Variants in ANO10 observed in about 807,000 individuals in gnomAD.
ANO10 encodes anoctamin-10.
In ANO10, 77 loss-of-function variants were observed where a neutral mutation model predicts 74.7. That is an observed-to-expected ratio of 1.03 (90% CI 0.86 to 1.25). The LOEUF (loss-of-function observed/expected upper bound fraction) is 1.25, where lower values mean the gene tolerates loss of function less well. ANO10 is among the 50% of genes most tolerant of loss of function. The pLI, the probability that ANO10 is intolerant of heterozygous loss-of-function variation, is 0.00. For synonymous variants in ANO10, 279 were observed against 284.9 expected, an observed-to-expected ratio of 0.98 and a Z score of 0.21; for missense variants, 721 against 778.1, an observed-to-expected ratio of 0.93 and a Z score of 0.87.
intron 4 of ANO10, among the ~76,000 whole-genome samples, chr3:43,595,245 C>T (rs932661624): frequency 6.6e-6 from 1 of 152,216 alleles, no homozygotes; most frequent in Non-Finnish European, 1.5e-5. Flanking sequence ...AAGAGGGAAT[C>T]CTCCCTAACT....
chr3:43,636,033 A>C (rs912641053), intron 1 of ANO10, among the ~76,000 whole-genome samples: 17 of 151,308 alleles, frequency 1.1e-4, no homozygotes, highest in Admixed American at 8.5e-4. Context: ...AAAAAAAAAC[A>C]AAAAAAACCC....
chr3:43,592,097 T>C lies in ANO10; in HGVS notation c.472+6435A>G, dbSNP rs566681419. ...GCTTGAGTAGGTAAACAAAGCAGCC[T>C]GGAAGCTCGAACTGGGTGGAGCCGA... On this transcript the variant is annotated intron_variant, in intron 4 of 12. Transcript: ENST00000292246. 4.6e-5 allele frequency among the ~76,000 whole-genome samples: 7 copies of C among 152,166 alleles called. No homozygotes were observed. In the South Asian group the frequency reaches 1.5e-3, roughly 32 times the overall value.
intron 7 of ANO10, among the ~76,000 whole-genome samples, chr3:43,574,293 C>CAG (rs1347389847): frequency 1.4e-5 from 2 of 144,580 alleles, no homozygotes; most frequent in Non-Finnish European, 3.0e-5. Context: ...TTTTTTGAGA[C>CAG]AGAGTCTCGC....
chr3:43,578,248 A>G lies in ANO10; in HGVS notation c.593-987T>C, dbSNP rs985886335. 2.6e-5 allele frequency among the ~76,000 whole-genome samples: 4 copies of G among 152,208 alleles called. No homozygotes were observed. The South Asian group carries it at 6.2e-4, about 24-fold the overall frequency. ...TTCACCTCAAATTTAAATCAGGTTA[A>G]AGAACATCCGATCATTTCTTTTTAA... On this transcript the variant is annotated intron_variant, in intron 5 of 12. Transcript: ENST00000292246.
At chr3:43,668,616 T>A in intron 1 of ANO10, among the ~76,000 whole-genome samples, 1 of 152,180 alleles carries the variant, frequency 6.6e-6, no homozygotes, top group East Asian at 1.9e-4. Context: ...CGGTAATAGA[T>A]GGGGATCTAG....
chr3:43,651,235 CTG>C lies in ANO10; in HGVS notation c.-12+40280_-12+40281del, dbSNP rs576962664. On this transcript the variant is annotated intron_variant, in intron 1 of 3. Coordinates refer to the ANO10 transcript ENST00000413397. Reference sequence around the variant, plus strand: ...TCTACAAATAATTAATAAATATCTACTGTGTGTCCTACACTGTTCTCACTTTT... The same window carrying C: ...TCTACAAATAATTAATAAATATCTACTGTGTCCTACACTGTTCTCACTTTT... Among the ~76,000 whole-genome samples the C allele has an allele frequency of 2.0e-3, 294 of 150,728 alleles. 1 individual carries two copies. The highest frequency in any genetic ancestry group is 5.3e-3 in the African/African-American group (212 of 40,076).
At chr3:43,665,168 A>G (rs1241915246) in intron 1 of ANO10, among the ~76,000 whole-genome samples, 1 of 152,248 alleles carries the variant, frequency 6.6e-6, no homozygotes, top group Non-Finnish European at 1.5e-5. Context: ...AATGTGGCAC[A>G]TATACACCAT....
intron 4 of ANO10, among the ~76,000 whole-genome samples, chr3:43,589,613 CAAAT>C (rs535390372): frequency 6.6e-6 from 1 of 152,036 alleles, no homozygotes; most frequent in Non-Finnish European, 1.5e-5. Context: ...GACTCTGTCT[CAAAT>C]AAATAAATAA....
At chr3:43,648,427 A>AG (rs2149567030) in intron 1 of ANO10, among the ~76,000 whole-genome samples, 1 of 152,288 alleles carries the variant, frequency 6.6e-6, no homozygotes, top group Admixed American at 6.5e-5. Flanking sequence ...GAGGAATAAA[A>AG]TAATGGCTAC....
intron 12 of ANO10, among the ~76,000 whole-genome samples, chr3:43,427,159 A>T (rs1250416956): frequency 2.0e-5 from 3 of 152,162 alleles, no homozygotes; most frequent in Non-Finnish European, 4.4e-5. Context: ...ATATAAAAAT[A>T]AAAAACTGAG....
chr3:43,515,409 T>C (rs62250949), intron 11 of ANO10, among the ~76,000 whole-genome samples: 2,567 of 152,314 alleles, frequency 0.017, 26 homozygotes, highest in Non-Finnish European at 0.027. Context: ...CATCATGGGC[T>C]CTCCTGGTTC....
intron 12 of ANO10, among the ~76,000 whole-genome samples, chr3:43,416,019 TAAAAAA>T (rs71616093): frequency 7.0e-6 from 1 of 142,946 alleles, no homozygotes; most frequent in African/African-American, 2.6e-5. Flanking sequence ...TCCAAGAAGT[TAAAAAA>T]AAAAAAAAAA....
intron 1 of ANO10, among the ~76,000 whole-genome samples, chr3:43,687,406 T>A (rs1164232208): frequency 6.6e-6 from 1 of 152,192 alleles, no homozygotes; most frequent in Non-Finnish European, 1.5e-5. Flanking sequence ...GTGATGGTTG[T>A]GGTATTGCTC....
intron 8 of ANO10, 143 bp from the exon 9 acceptor site, chr3:43,561,545 A>G: frequency 1.3e-6 from 1 of 790,388 alleles, no homozygotes; most frequent in Non-Finnish European, 2.0e-6. Context: ...TTCAATAAAT[A>G]GCATACTATT....
At chr3:43,687,371 G>C (rs182633356) in intron 1 of ANO10, among the ~76,000 whole-genome samples, 8 of 152,298 alleles carry the variant, frequency 5.3e-5, no homozygotes, top group Non-Finnish European at 1.2e-4. Flanking sequence ...TGCTTGGCAG[G>C]CTTGTGATAA....
chr3:43,591,533 C>T (rs528486093), intron 4 of ANO10, among the ~76,000 whole-genome samples: 1 of 152,302 alleles, frequency 6.6e-6, no homozygotes, highest in East Asian at 1.9e-4. Flanking sequence ...TGCCCCCATC[C>T]TGGGAGCTCT....
At chr3:43,673,061 C>T (rs2084079104) in intron 1 of ANO10, among the ~76,000 whole-genome samples, 1 of 152,316 alleles carries the variant, frequency 6.6e-6, no homozygotes, top group African/African-American at 2.4e-5. Flanking sequence ...CATTCACTTA[C>T]ACCATCATAA....
chr3:43,666,136 G>A (rs760863283), intron 1 of ANO10, among the ~76,000 whole-genome samples: 7 of 151,964 alleles, frequency 4.6e-5, no homozygotes, highest in East Asian at 1.9e-4. Context: ...GCTATTCAAC[G>A]TACAAACACT....
intron 11 of ANO10, among the ~76,000 whole-genome samples, chr3:43,467,407 T>G (rs535684693): frequency 6.6e-6 from 1 of 152,230 alleles, no homozygotes; most frequent in Non-Finnish European, 1.5e-5. Context: ...GGAATAAATA[T>G]TTAGCAATAT....
Sources: allele counts gnomAD v4.1 joint callset (sites outside exome capture counted in the v4.1 genomes callset), GRCh38; gene constraint gnomAD v4.1.1; transcripts MANE v1.5; gene names NCBI Gene and HGNC (gene_info 2026-07-23, HGNC 2026-07-21).